The following KCNIP4 variants were observed in gnomAD, a reference collection of about 807,000 sequenced individuals.
KCNIP4 encodes Kv channel-interacting protein 4.
KCNIP4 carries 12 observed loss-of-function variants against 34.0 expected under a neutral mutation model. That is an observed-to-expected ratio of 0.35 (90% CI 0.23 to 0.57). KCNIP4 has a LOEUF of 0.57. KCNIP4 is among the 20% of genes least tolerant of loss of function. The pLI, the probability that KCNIP4 is intolerant of heterozygous loss-of-function variation, is 0.83. For synonymous variants in KCNIP4, 124 were observed against 102.2 expected (o/e 1.21, Z -1.29); for missense variants, 238 against 311.7 (o/e 0.76, Z 1.78).
chr4:21,238,784 A>G (rs1194466188), intron 1 of KCNIP4, among the ~76,000 whole-genome samples: 1 of 152,182 alleles, frequency 6.6e-6, no homozygotes, highest in African/African-American at 2.4e-5. Context: ...AATCAATATC[A>G]TGAAAATGGC....
At chr4:21,703,399 T>C (rs1713017827) in intron 1 of KCNIP4, among the ~76,000 whole-genome samples, 7 of 152,126 alleles carry the variant, frequency 4.6e-5, no homozygotes. Context: ...ATACTTTAAG[T>C]TTTAGGGTGC....
intron 1 of KCNIP4, among the ~76,000 whole-genome samples, chr4:21,092,235 T>C (rs1265215181): frequency 2.0e-5 from 3 of 152,098 alleles, no homozygotes; most frequent in African/African-American, 7.2e-5. Flanking sequence ...AAAAATAATA[T>C]GTAGGTACTG....
chr4:21,936,102 G>A (rs1349826836), intron 1 of KCNIP4, among the ~76,000 whole-genome samples: 1 of 151,906 alleles, frequency 6.6e-6, no homozygotes, highest in Non-Finnish European at 1.5e-5. Flanking sequence ...ATGAAGGAAA[G>A]TAAAGCAGGG....
At chr4:21,641,372 C>G (rs1207429843) in intron 1 of KCNIP4, among the ~76,000 whole-genome samples, 3 of 152,230 alleles carry the variant, frequency 2.0e-5, no homozygotes, top group East Asian at 3.9e-4. Flanking sequence ...CAGTCCTTTT[C>G]TAGCACATAC....
rs562256996 is a variant in KCNIP4, at chr4:21,429,511, T to C, written c.61+519060A>G. Among the ~76,000 whole-genome samples, 8 of 152,254 alleles carry C rather than the reference T, an allele frequency of 5.3e-5. No homozygotes were observed. In the East Asian group the frequency reaches 1.5e-3, roughly 29 times the overall value. ...TTTAAGTAAAGGCAAAGGAGTGTGA[T>C]TGATGGATCATATGATAAGAGTATG... On this transcript the variant is annotated intron_variant, in intron 1 of 8. Coordinates refer to ENST00000382152, the MANE Select transcript of KCNIP4 (RefSeq NM_025221.6).
chr4:20,810,453 GGAGGAAGGGGGGA>G (rs1174897644), intron 3 of KCNIP4, among the ~76,000 whole-genome samples: 1 of 134,584 alleles, frequency 7.4e-6, no homozygotes, highest in Non-Finnish European at 1.6e-5. Context: ...AGGGCAGGGG[GGAGGAAGGGGGGA>G]GAGAGAGAGA....
chr4:20,795,642 C>T (rs1713355381), intron 3 of KCNIP4, among the ~76,000 whole-genome samples: 1 of 152,128 alleles, frequency 6.6e-6, no homozygotes, highest in African/African-American at 2.4e-5. Context: ...GTACCAATTT[C>T]ACAATATCTG....
At chr4:20,740,213 C>G (rs1347692700) in intron 5 of KCNIP4, among the ~76,000 whole-genome samples, 4 of 152,150 alleles carry the variant, frequency 2.6e-5, no homozygotes, top group Admixed American at 2.0e-4. Context: ...GGCCAACATT[C>G]AAATTCAGGA....
chr4:21,842,782 G>A (rs948797535), intron 1 of KCNIP4, among the ~76,000 whole-genome samples: 2 of 151,932 alleles, frequency 1.3e-5, no homozygotes, highest in Admixed American at 6.6e-5. Flanking sequence ...TTATTACAAC[G>A]ATTATTAATG....
chr4:21,273,953 C>A (rs1762299752), intron 1 of KCNIP4, among the ~76,000 whole-genome samples: 1 of 152,134 alleles, frequency 6.6e-6, no homozygotes, highest in African/African-American at 2.4e-5. Context: ...ATACGCAACA[C>A]AATTCCTAGT....
intron 1 of KCNIP4, among the ~76,000 whole-genome samples, chr4:21,331,347 C>CCT (rs918362470): frequency 6.6e-6 from 1 of 151,900 alleles, no homozygotes; most frequent in Non-Finnish European, 1.5e-5. Context: ...CCTTGTTCTC[C>CCT]CTCTCTCTCA....
chr4:20,950,375 G>A (rs895786475), intron 1 of KCNIP4, among the ~76,000 whole-genome samples: 30 of 152,040 alleles, frequency 2.0e-4, no homozygotes, highest in Admixed American at 1.5e-3. Context: ...AAAACTTGCC[G>A]AGGGGTTCAT....
At chr4:20,822,724 C>G (rs139466002) in intron 3 of KCNIP4, among the ~76,000 whole-genome samples, 2 of 152,082 alleles carry the variant, frequency 1.3e-5, no homozygotes, top group African/African-American at 4.8e-5. Flanking sequence ...TGAATTTTCA[C>G]GGGGCCAGGG....
intron 3 of KCNIP4, among the ~76,000 whole-genome samples, chr4:20,834,051 T>C (rs1349000937): frequency 6.6e-6 from 1 of 152,106 alleles, no homozygotes; most frequent in African/African-American, 2.4e-5. Context: ...AGAGGGAATT[T>C]AGAGTCTAGG....
chr4:21,481,389 G>A (rs1731413162), intron 1 of KCNIP4, among the ~76,000 whole-genome samples: 1 of 152,118 alleles, frequency 6.6e-6, no homozygotes. Flanking sequence ...AAGGAAAGGG[G>A]ACGCCTGGAG....
intron 1 of KCNIP4, among the ~76,000 whole-genome samples, chr4:21,247,654 T>G (rs1190959228): frequency 2.3e-5 from 3 of 131,642 alleles, no homozygotes; most frequent in African/African-American, 1.1e-4. Context: ...TATTTATATC[T>G]ATATATTTAG....
intron 1 of KCNIP4, among the ~76,000 whole-genome samples, chr4:21,734,537 CA>C (rs1286028540): frequency 6.6e-6 from 1 of 152,048 alleles, no homozygotes. Flanking sequence ...GTAAAACAAT[CA>C]ATGCAAACTC....
chr4:21,727,091 T>A (rs1827592), intron 1 of KCNIP4, among the ~76,000 whole-genome samples: 1 of 151,946 alleles, frequency 6.6e-6, no homozygotes, highest in Non-Finnish European at 1.5e-5. Context: ...AGTGGTCACA[T>A]GTGCCATGTA....
At chr4:21,787,005 T>C (rs935814107) in intron 1 of KCNIP4, among the ~76,000 whole-genome samples, 2 of 152,156 alleles carry the variant, frequency 1.3e-5, no homozygotes, top group Non-Finnish European at 2.9e-5. Context: ...GAGATAAATA[T>C]GTGTATAGAC....
Sources: gnomAD v4.1 joint callset for allele counts (sites outside exome capture counted in the v4.1 genomes callset) on GRCh38, gnomAD v4.1.1 for gene constraint, MANE v1.5 for transcripts, NCBI Gene and HGNC (gene_info 2026-07-23, HGNC 2026-07-21) for gene names.